The following DPP10 variants were observed in gnomAD, a reference collection of about 807,000 sequenced individuals.
DPP10 encodes inactive dipeptidyl peptidase 10.
Under a neutral mutation model 120.9 loss-of-function variants are expected in DPP10, and 33 were observed. The ratio of observed to expected loss-of-function variants is 0.27; its 90% CI spans 0.21 to 0.37. The LOEUF (loss-of-function observed/expected upper bound fraction) is 0.37. Among genes scored for constraint, DPP10 ranks in the 10% least tolerant of loss-of-function variants. The pLI is 1.00. For synonymous variants in DPP10, 337 were observed against 326.1 expected (o/e 1.03, Z -0.36); for missense variants, 816 against 942.8 (o/e 0.87, Z 1.76).
intron 1 of DPP10, among the ~76,000 whole-genome samples, chr2:115,133,965 C>T (rs755275035): frequency 6.6e-6 from 1 of 152,066 alleles, no homozygotes; most frequent in Non-Finnish European, 1.5e-5. Flanking sequence ...TTGCTTTGTC[C>T]CCACGTTAAC....
intron 1 of DPP10, among the ~76,000 whole-genome samples, chr2:114,709,944 T>C (rs1700917815): frequency 1.3e-5 from 2 of 152,220 alleles, no homozygotes; most frequent in African/African-American, 4.8e-5. Context: ...AAGAAAGATA[T>C]ATAATGCAAA....
chr2:115,456,804 C>T (rs1166019072), intron 3 of DPP10, among the ~76,000 whole-genome samples: 2 of 151,884 alleles, frequency 1.3e-5, no homozygotes, highest in Non-Finnish European at 2.9e-5. Flanking sequence ...TACACCGGGA[C>T]CTGTCAGTGG....
intron 1 of DPP10, among the ~76,000 whole-genome samples, chr2:114,494,121 A>AAC (rs1553450295): frequency 2.0e-5 from 3 of 147,544 alleles, no homozygotes; most frequent in African/African-American, 7.7e-5. Context: ...AAAAAAAAAA[A>AAC]CCCAGCAAAT....
intron 1 of DPP10, among the ~76,000 whole-genome samples, chr2:114,926,066 A>T (rs1695597638): frequency 6.6e-6 from 1 of 152,188 alleles, no homozygotes; most frequent in South Asian, 2.1e-4. Context: ...TATAATAGAG[A>T]TATACACAGA....
intron 7 of DPP10, among the ~76,000 whole-genome samples, chr2:115,702,920 G>T (rs1375120828): frequency 2.0e-5 from 3 of 152,046 alleles, no homozygotes; most frequent in Non-Finnish European, 4.4e-5. Context: ...GCATTCAGTT[G>T]AAAAGGCTTG....
At chr2:114,900,768 A>G (rs1037321187) in intron 1 of DPP10, among the ~76,000 whole-genome samples, 1 of 152,154 alleles carries the variant, frequency 6.6e-6, no homozygotes, top group African/African-American at 2.4e-5. Flanking sequence ...CATATTTTTC[A>G]AATGTGAAGG....
intron 1 of DPP10, among the ~76,000 whole-genome samples, chr2:114,666,604 A>G (rs1285389535): frequency 6.6e-6 from 1 of 152,208 alleles, no homozygotes; most frequent in Non-Finnish European, 1.5e-5. Flanking sequence ...GGCAACCTCT[A>G]AAGTCCCATG....
At chr2:115,059,087 C>T (rs1158106494) in intron 1 of DPP10, among the ~76,000 whole-genome samples, 1 of 151,926 alleles carries the variant, frequency 6.6e-6, no homozygotes, top group Non-Finnish European at 1.5e-5. Flanking sequence ...AGGGTTCCAC[C>T]TAAGGGTGAC....
At chr2:114,686,015 C>T (rs990033395) in intron 1 of DPP10, among the ~76,000 whole-genome samples, 5 of 151,876 alleles carry the variant, frequency 3.3e-5, no homozygotes, top group African/African-American at 1.2e-4. Context: ...TATTTTCTTC[C>T]CTGAGTGCTA....
intron 5 of DPP10, among the ~76,000 whole-genome samples, chr2:115,595,666 A>G (rs1018778290): frequency 6.6e-6 from 1 of 152,080 alleles, no homozygotes; most frequent in African/African-American, 2.4e-5. Context: ...TAAACCTTCT[A>G]TAACTTACTT....
At chr2:115,175,625 T>C (rs2053636086) in intron 1 of DPP10, among the ~76,000 whole-genome samples, 1 of 152,174 alleles carries the variant, frequency 6.6e-6, no homozygotes, top group Non-Finnish European at 1.5e-5. Context: ...AACCTTAGTT[T>C]CCTAAAATAT....
At chr2:114,752,318 AAAAG>A (rs1322957753) in intron 1 of DPP10, among the ~76,000 whole-genome samples, 1 of 152,220 alleles carries the variant, frequency 6.6e-6, no homozygotes, top group Non-Finnish European at 1.5e-5. Context: ...GTAAGATAGA[AAAAG>A]AAATCCTGCC....
intron 1 of DPP10, among the ~76,000 whole-genome samples, chr2:115,195,817 G>A (rs1559221812): frequency 1.3e-5 from 2 of 152,070 alleles, no homozygotes; most frequent in Admixed American, 1.3e-4. Context: ...CCTCCACAAA[G>A]CAACAGGGCA....
At chr2:115,437,422 C>G (rs561332318) in intron 3 of DPP10, among the ~76,000 whole-genome samples, 11 of 152,136 alleles carry the variant, frequency 7.2e-5, no homozygotes, top group African/African-American at 2.6e-4. Context: ...AATCACTACA[C>G]AGATTCCGAA....
chr2:115,070,402 G>T (rs772561709), intron 1 of DPP10, among the ~76,000 whole-genome samples: 42 of 152,226 alleles, frequency 2.8e-4, no homozygotes, highest in Middle Eastern at 3.4e-3. Context: ...ATATGGCAGA[G>T]AATTATTAAA....
At chr2:114,874,540 T>A (rs1461998248) in intron 1 of DPP10, among the ~76,000 whole-genome samples, 11 of 151,952 alleles carry the variant, frequency 7.2e-5, no homozygotes, top group Non-Finnish European at 1.6e-4. Context: ...GATGGGACCA[T>A]CTAGTTGCAG....
chr2:114,747,024 C>G (rs922789291), intron 1 of DPP10, among the ~76,000 whole-genome samples: 3 of 152,146 alleles, frequency 2.0e-5, no homozygotes, highest in African/African-American at 2.4e-5. Flanking sequence ...AGAATACTCT[C>G]TAAATATCAC....
chr2:114,896,951 G>A (rs972944952), intron 1 of DPP10, among the ~76,000 whole-genome samples: 4 of 152,298 alleles, frequency 2.6e-5, no homozygotes, highest in African/African-American at 9.6e-5. Context: ...ATGAAGCGTT[G>A]TTGAATTTTG....
At chr2:115,256,794 T>C (rs931162901) in intron 1 of DPP10, among the ~76,000 whole-genome samples, 2 of 152,236 alleles carry the variant, frequency 1.3e-5, no homozygotes, top group East Asian at 1.9e-4. Context: ...TACACTCTTC[T>C]TCCTTCTTAA....
Sources: gnomAD v4.1 joint callset for allele counts (sites outside exome capture counted in the v4.1 genomes callset) on GRCh38, gnomAD v4.1.1 for gene constraint, MANE v1.5 for transcripts, NCBI Gene and HGNC (gene_info 2026-07-23, HGNC 2026-07-21) for gene names.